TSTD2: variants seen among roughly 807,000 people sequenced by gnomAD.
TSTD2 encodes thiosulfate sulfurtransferase/rhodanese-like domain-containing protein 2.
TSTD2 carries 37 observed loss-of-function variants against 47.9 expected under a neutral mutation model. That is an observed-to-expected ratio of 0.77 (90% CI 0.59 to 1.02). The LOEUF is 1.02. Ranked by LOEUF, TSTD2 falls within the 50% of genes least tolerant of loss-of-function variation. The pLI, the probability that TSTD2 is intolerant of heterozygous loss-of-function variation, is 0.00. For synonymous variants in TSTD2, 201 were observed against 215.9 expected (o/e 0.93, Z 0.61); for missense variants, 586 against 616.0 (o/e 0.95, Z 0.52).
At chr9:97,622,641 G>A (rs897739660) in intron 3 of TSTD2, among the ~76,000 whole-genome samples, 1 of 152,238 alleles carries the variant, frequency 6.6e-6, no homozygotes, top group East Asian at 1.9e-4. Context: ...AGTCAGGAGG[G>A]AGGCTATACC....
chr9:97,607,267 G>C (rs1826381294), intron 6 of TSTD2, among the ~76,000 whole-genome samples: 1 of 152,122 alleles, frequency 6.6e-6, no homozygotes, highest in Non-Finnish European at 1.5e-5. Context: ...TATCTTTGAG[G>C]GTCCAGAAAT....
At chr9:97,626,986 T>G (rs1157949178) in intron 2 of TSTD2, among the ~76,000 whole-genome samples, 4 of 152,208 alleles carry the variant, frequency 2.6e-5, no homozygotes, top group Non-Finnish European at 5.9e-5. Flanking sequence ...CTTAATCTAT[T>G]TGTTTATTTC....
chr9:97,616,158 T>C (rs1271021163), intron 4 of TSTD2, among the ~76,000 whole-genome samples: 1 of 152,020 alleles, frequency 6.6e-6, no homozygotes, highest in African/African-American at 2.4e-5. Context: ...GAGAGTTCCT[T>C]GAAGATAGTT....
At chr9:97,613,107 G>C (rs1826484116) in intron 4 of TSTD2, among the ~76,000 whole-genome samples, 1 of 152,346 alleles carries the variant, frequency 6.6e-6, no homozygotes, top group Non-Finnish European at 1.5e-5. Context: ...ATGTAGCTGT[G>C]AGAAAGTTAA....
intron 1 of TSTD2, among the ~76,000 whole-genome samples, chr9:97,628,230 A>C (rs1345075180): frequency 6.6e-6 from 1 of 152,208 alleles, no homozygotes; most frequent in African/African-American, 2.4e-5. Context: ...GAAATGTCAA[A>C]ATCGCTACTG....
In TSTD2 at chr9:97,600,452, C is replaced by CTT. The variant is rs1473632476; in HGVS notation, c.*2015_*2016dup. On this transcript the variant is annotated 3_prime_UTR_variant, in exon 10 of 10. Transcript: ENST00000341170. Reference sequence around the variant, plus strand: ...GTACAATTTAATACTGGAGTTAGAACTTTTTCCTTATTGAATGCCAACCTT... The same window carrying CTT: ...GTACAATTTAATACTGGAGTTAGAACTTTTTTTCCTTATTGAATGCCAACCTT... 1.0e-5 allele frequency: 10 copies of CTT among 985,456 alleles called. No individual in the cohort carries two copies. In the Admixed American group the frequency reaches 2.5e-4, roughly 24 times the overall value. 61.0% of individuals were successfully genotyped at this position (985,456 alleles called of 1,614,324 possible).
At chr9:97,611,479 A>C in intron 5 of TSTD2, 95 bp downstream of exon 5, 1 of 1,377,082 alleles carries the variant, frequency 7.3e-7, no homozygotes, top group Non-Finnish European at 9.7e-7. Context: ...TTTATTTGGC[A>C]CTGCTTATTT....
intron 3 of TSTD2, among the ~76,000 whole-genome samples, chr9:97,622,668 C>T (rs1013050679): frequency 7.2e-5 from 11 of 152,254 alleles, no homozygotes; most frequent in African/African-American, 1.2e-4. Flanking sequence ...GCCACAAAGG[C>T]GGAGTTGCCC....
At position 97,625,892 on chromosome 9, in the gene TSTD2, T is replaced by C. The variant is rs559968279; in HGVS notation, c.271A>G (p.Ser91Gly). ...CCRQLFTDQT[S>G]IHRHVATQHA... is the part of the protein sequence containing the mutation. ...TGTGTTGCCACATGTCTATGGATGC[T>C]GGTTTGGTCTGTGAATAGCTGCCGA... The change falls in exon 3 of 10, where the codon AGC (serine) becomes GGC (glycine). Residue 91 changes from serine to glycine, a missense_variant. By Grantham distance (56) the Ser-to-Gly change is moderately conservative. Coordinates refer to ENST00000341170, the MANE Select transcript of TSTD2 (RefSeq NM_139246.5). The C allele has an allele frequency of 6.2e-7, 1 of 1,614,210 alleles. No homozygotes were observed. Among genetic ancestry groups the C allele is most frequent in the East Asian group, 2.2e-5 (1 of 44,888 alleles).
chr9:97,624,879 G>A (rs1292568258), intron 3 of TSTD2, among the ~76,000 whole-genome samples: 5 of 152,054 alleles, frequency 3.3e-5, no homozygotes, highest in Non-Finnish European at 5.9e-5. Flanking sequence ...TTCTGGATAC[G>A]TATATTTGAA....
rs529832101 is a variant in TSTD2 at position 97,605,815 on chromosome 9, G to A, written c.955-174C>T. Among the ~76,000 whole-genome samples the A allele has an allele frequency of 9.2e-5, 14 of 152,324 alleles. No individual in the cohort carries two copies. The East Asian group carries it at 2.1e-3, about 23-fold the overall frequency. On this transcript the variant is annotated intron_variant, in intron 7 of 9. Coordinates refer to ENST00000341170, the MANE Select transcript of TSTD2 (RefSeq NM_139246.5). ...ATCTCAACTTAAAACCGAGGCTGTG[G>A]GCTGTGGGTCACCTTCCCAGGGTCC...
intron 4 of TSTD2, among the ~76,000 whole-genome samples, chr9:97,612,888 T>C (rs1826480731): frequency 6.6e-6 from 1 of 152,224 alleles, no homozygotes; most frequent in South Asian, 2.1e-4. Context: ...TGGCATAGCC[T>C]TCAGTTCAGA....
In TSTD2 at chr9:97,605,586, C is replaced by T; in HGVS notation, c.1010G>A (p.Ser337Asn). The T allele has an allele frequency of 6.2e-7, 1 of 1,614,246 alleles. No homozygotes were observed. Among genetic ancestry groups the T allele is most frequent in the African/African-American group, 1.3e-5 (1 of 75,068 alleles). Residue 337 changes from serine to asparagine, a missense_variant, in exon 8 of 10, where the codon AGC becomes AAC. Ser to Asn is a conservative substitution (Grantham distance 46, BLOSUM62 1). Transcript: ENST00000341170. The stretch of plus-strand genomic sequence containing the variant: ...AAGTTCTAGATTTTTGTCAACGTAG[C>T]TAGGGAAGTAACTGAATTTCCTGAT... Reference protein sequence around the residue: ...PDIRKFSYFPSYVDKNLELFR... With the variant: ...PDIRKFSYFPNYVDKNLELFR...
intron 5 of TSTD2, 114 bp from the exon 6 acceptor site, chr9:97,610,565 AAAAAACCTCT>A: frequency 1.4e-6 from 1 of 705,802 alleles, no homozygotes; most frequent in Non-Finnish European, 2.2e-6. Context: ...CTGAAGTCTT[AAAAAACCTCT>A]AGTTAGGGCC....
intron 3 of TSTD2, among the ~76,000 whole-genome samples, chr9:97,624,267 G>A (rs1826684120): frequency 6.6e-6 from 1 of 152,168 alleles, no homozygotes; most frequent in African/African-American, 2.4e-5. Context: ...GTCTTGAAGT[G>A]TCTCTGTCTC....
At chr9:97,619,621 A>C (rs1285864881) in intron 3 of TSTD2, among the ~76,000 whole-genome samples, 6 of 152,094 alleles carry the variant, frequency 3.9e-5, no homozygotes, top group African/African-American at 1.4e-4. Flanking sequence ...GATTATAGGA[A>C]TAAGTCACTG....
At chr9:97,609,364 T>C (rs1035463318) in intron 6 of TSTD2, among the ~76,000 whole-genome samples, 3 of 152,162 alleles carry the variant, frequency 2.0e-5, no homozygotes, top group Admixed American at 2.0e-4. Context: ...ATCTTGGGAA[T>C]ACAATTATTA....
chr9:97,627,705 A>C, intron 1 of TSTD2, 93 bp from the exon 2 acceptor site: 2 of 766,588 alleles, frequency 2.6e-6, no homozygotes, highest in Non-Finnish European at 4.1e-6. Flanking sequence ...AGCATGGGCA[A>C]AGTAGCCCAA....
Position 97,601,229 on chromosome 9 carries a change from T to G in TSTD2, c.*1240A>C. 1 of 1,270,796 alleles carries G rather than the reference T, an allele frequency of 7.9e-7. No individual in the cohort carries two copies. The highest frequency in any genetic ancestry group is 1.0e-6 in the Non-Finnish European group (1 of 970,736). The allele number at this position is 1,270,796 out of a possible 1,614,324, so 78.7% of individuals were successfully genotyped here. On this transcript the variant is annotated 3_prime_UTR_variant, in exon 10 of 10. Coordinates refer to ENST00000341170, the MANE Select transcript of TSTD2 (RefSeq NM_139246.5). ...TTCTGCATCGCTGAAAACTGCAATA[T>G]AATATTAAATCTGTTGGTCTATGCA... is the stretch of plus-strand genomic sequence containing the variant.
Sources: allele counts gnomAD v4.1 joint callset (sites outside exome capture counted in the v4.1 genomes callset), GRCh38; gene constraint gnomAD v4.1.1; transcripts MANE v1.5; gene names NCBI Gene and HGNC (gene_info 2026-07-23, HGNC 2026-07-21).